Variants in AIM2 observed in about 807,000 individuals in gnomAD.
AIM2 encodes the protein interferon-inducible protein AIM2.
AIM2 carries 30 observed loss-of-function variants against 27.7 expected under a neutral mutation model. The ratio of observed to expected loss-of-function variants is 1.08; its 90% CI spans 0.81 to 1.47. The LOEUF (loss-of-function observed/expected upper bound fraction) is 1.47, where lower values mean the gene tolerates loss of function less well. Among genes scored for constraint, AIM2 ranks in the 40% most tolerant of loss-of-function variants. AIM2 has a pLI of 0.00. For synonymous variants in AIM2, 141 were observed against 145.3 expected (o/e 0.97, Z 0.21); for missense variants, 358 against 411.3 (o/e 0.87, Z 1.12).
chr1:159,095,510 T>C (rs1657161177), intron 1 of AIM2, among the ~76,000 whole-genome samples: 1 of 152,230 alleles, frequency 6.6e-6, no homozygotes, highest in Non-Finnish European at 1.5e-5. Flanking sequence ...ATGTGACAGC[T>C]GTTACCTCTG....
chr1:159,097,903 C>T (rs763242518), intron 1 of AIM2, among the ~76,000 whole-genome samples: 27 of 152,256 alleles, frequency 1.8e-4, no homozygotes, highest in Admixed American at 2.0e-4. Flanking sequence ...CATTCTGAGA[C>T]AGTGTTACAT....
chr1:159,122,969 G>T (rs1382532825), intron 1 of AIM2, among the ~76,000 whole-genome samples: 1 of 152,030 alleles, frequency 6.6e-6, no homozygotes, highest in African/African-American at 2.4e-5. Context: ...TTAACCTGAG[G>T]CTATAAAAAC....
intron 1 of AIM2, among the ~76,000 whole-genome samples, chr1:159,108,717 C>T (rs1039898710): frequency 6.6e-6 from 1 of 152,148 alleles, no homozygotes; most frequent in African/African-American, 2.4e-5. Flanking sequence ...AATTAATGTA[C>T]ACAAATCAGT....
At chr1:159,073,841 C>T (rs909446034) in intron 1 of AIM2, among the ~76,000 whole-genome samples, 1 of 152,172 alleles carries the variant, frequency 6.6e-6, no homozygotes, top group Non-Finnish European at 1.5e-5. Flanking sequence ...GAGTTTGAGA[C>T]CAGACTGGCC....
chr1:159,112,188 G>A (rs2102029854), intron 1 of AIM2, among the ~76,000 whole-genome samples: 1 of 152,182 alleles, frequency 6.6e-6, no homozygotes, highest in South Asian at 2.1e-4. Context: ...ATTTAAAAAA[G>A]ACTTTCCTAA....
At chr1:159,075,116 A>AGTGTGG (rs879927470) in intron 1 of AIM2, among the ~76,000 whole-genome samples, 9 of 152,188 alleles carry the variant, frequency 5.9e-5, no homozygotes, top group Admixed American at 1.3e-4. Context: ...ATGAACTAAT[A>AGTGTGG]AATAGAGTGT....
chr1:159,102,734 C>T (rs2814757), intron 1 of AIM2, among the ~76,000 whole-genome samples: 112,304 of 152,106 alleles, frequency 0.74, 45,029 homozygotes, highest in Non-Finnish European at 0.89. Context: ...GGGCCTGTAG[C>T]CCCTTCTTTT....
intron 1 of AIM2, among the ~76,000 whole-genome samples, chr1:159,106,477 G>C (rs565491678): frequency 6.6e-6 from 1 of 152,330 alleles, no homozygotes; most frequent in South Asian, 2.1e-4. Flanking sequence ...GGAACAGCAA[G>C]AAACTGGAAA....
Position 159,065,939 on chromosome 1 carries a change from T to C in AIM2, c.787A>G (p.Ile263Val). ...NTLQTQPLGT[I>V]VNGLFVVQKV... Reference sequence around the variant, plus strand: ...TGGACTACAAACAAACCATTCACAATTGTTCCAAGGGGCTGAGTTTGAAGC... The same window carrying C: ...TGGACTACAAACAAACCATTCACAACTGTTCCAAGGGGCTGAGTTTGAAGC... The change falls in exon 4 of 6, where the codon ATT becomes GTT. Residue 263 changes from isoleucine (I) to valine (V), a missense_variant. Transcript: ENST00000368130. 8 of 1,612,790 alleles carry C rather than the reference T, an allele frequency of 5.0e-6. No homozygotes were observed. Among genetic ancestry groups the C allele is most frequent in the Non-Finnish European group, 6.8e-6 (8 of 1,179,436 alleles).
upstream of AIM2, among the ~76,000 whole-genome samples, chr1:159,079,155 A>G (rs188326820): frequency 6.6e-6 from 1 of 152,280 alleles, no homozygotes; most frequent in East Asian, 1.9e-4. Context: ...AAGAAGAAAT[A>G]TATATGGTCA....
At chr1:159,112,287 A>G (rs1175902633) in intron 1 of AIM2, among the ~76,000 whole-genome samples, 1 of 152,238 alleles carries the variant, frequency 6.6e-6, no homozygotes, top group Non-Finnish European at 1.5e-5. Context: ...GTATAGCTAT[A>G]TTAATAATAA....
At chr1:159,111,221 G>A (rs1159361248) in intron 1 of AIM2, among the ~76,000 whole-genome samples, 1 of 152,304 alleles carries the variant, frequency 6.6e-6, no homozygotes, top group South Asian at 2.1e-4. Flanking sequence ...TAACAGCAAA[G>A]TGAATAGGAA....
chr1:159,119,578 C>G (rs1203604717), intron 1 of AIM2, among the ~76,000 whole-genome samples: 1 of 140,472 alleles, frequency 7.1e-6, no homozygotes, highest in African/African-American at 2.6e-5. Context: ...ATCTTAAAAT[C>G]ACTGTAAATA....
chr1:159,058,669 G>A (rs1364674084), downstream of AIM2, among the ~76,000 whole-genome samples: 1 of 152,090 alleles, frequency 6.6e-6, no homozygotes, highest in East Asian at 1.9e-4. Flanking sequence ...AGATTCCTTG[G>A]TTTGCAACTC....
chr1:159,120,026 T>C (rs1401149567), intron 1 of AIM2, among the ~76,000 whole-genome samples: 1 of 152,168 alleles, frequency 6.6e-6, no homozygotes, highest in African/African-American at 2.4e-5. Context: ...ATACTAACAT[T>C]TACAACTTAG....
At chr1:159,078,224 T>G (rs1015647887), upstream of AIM2, among the ~76,000 whole-genome samples, 1 of 152,200 alleles carries the variant, frequency 6.6e-6, no homozygotes, top group Admixed American at 6.5e-5. Flanking sequence ...TATATGTCAT[T>G]TGTTTGTTTA....
At chr1:159,062,077 T>C (rs950179730), downstream of AIM2, among the ~76,000 whole-genome samples, 3 of 152,196 alleles carry the variant, frequency 2.0e-5, no homozygotes, top group African/African-American at 7.2e-5. Context: ...TTTAGTCTTT[T>C]CTCCACTGAA....
intron 1 of AIM2, among the ~76,000 whole-genome samples, chr1:159,129,961 TCTCA>T (rs1647822281): frequency 6.6e-6 from 1 of 152,172 alleles, no homozygotes. Context: ...CTTCCTCACT[TCTCA>T]CTCACTTGGG....
At chr1:159,145,335 T>G (rs1208396690), upstream of AIM2, among the ~76,000 whole-genome samples, 1 of 152,192 alleles carries the variant, frequency 6.6e-6, no homozygotes, top group Non-Finnish European at 1.5e-5. Flanking sequence ...CCATGCCTAT[T>G]ATGCATTTTC....
Sources: gnomAD v4.1 joint callset for allele counts (sites outside exome capture counted in the v4.1 genomes callset) on GRCh38, gnomAD v4.1.1 for gene constraint, MANE v1.5 for transcripts, NCBI Gene and HGNC (gene_info 2026-07-23, HGNC 2026-07-21) for gene names.